TM4SF20: variants seen among roughly 807,000 people sequenced by gnomAD.
The protein encoded by TM4SF20 is transmembrane 4 L six family member 20.
In TM4SF20, 13 loss-of-function variants were observed where a neutral mutation model predicts 15.1. The ratio of observed to expected loss-of-function variants is 0.86; its 90% CI spans 0.56 to 1.36. TM4SF20 has a LOEUF of 1.36. Ranked by LOEUF, TM4SF20 falls within the 40% of genes most tolerant of loss-of-function variation. The pLI is 0.00. For synonymous variants in TM4SF20, 92 were observed against 96.6 expected (o/e 0.95, Z 0.28); for missense variants, 282 against 268.4 (o/e 1.05, Z -0.35).
upstream of TM4SF20, among the ~76,000 whole-genome samples, chr2:227,380,523 G>A (rs1394252059): frequency 1.3e-5 from 2 of 151,522 alleles, no homozygotes; most frequent in Non-Finnish European, 3.0e-5. Flanking sequence ...GGATCTATAT[G>A]TTTCTGCCCA....
intron 2 of TM4SF20, 81 bp downstream of exon 2, chr2:227,370,834 C>G: frequency 8.9e-7 from 1 of 1,124,202 alleles, no homozygotes; most frequent in South Asian, 1.2e-5. Context: ...TCGGTAGATG[C>G]GAGTGACTCA....
intron 1 of TM4SF20, among the ~76,000 whole-genome samples, chr2:227,372,807 T>G (rs988315503): frequency 3.3e-5 from 5 of 152,094 alleles, no homozygotes; most frequent in Non-Finnish European, 7.4e-5. Flanking sequence ...AGGGCTCAAG[T>G]GATCCTCCCA....
Position 227,379,126 on chromosome 2 carries a change from A to C in TM4SF20, c.143T>G (p.Phe48Cys), listed in dbSNP as rs932679243. The stretch of plus-strand genomic sequence containing the variant: ...TATAATTCCTGGGAACCACCACTCA[A>C]AGCAAGAGATGGGGTTTTGAGAAAA... ...DQFSQNPISC[F>C]EWWFPGIIGA... The change falls in exon 1 of 4, where the codon TTT becomes TGT. Residue 48 changes from phenylalanine (F) to cysteine (C), a missense_variant. Physicochemically the swap from Phe to Cys is radical, Grantham distance 205. Coordinates refer to ENST00000304568, the MANE Select transcript of TM4SF20 (RefSeq NM_024795.4). 1.9e-6 allele frequency: 3 copies of C among 1,614,188 alleles called. No individual in the cohort carries two copies. The highest frequency in any genetic ancestry group is 2.5e-6 in the Non-Finnish European group (3 of 1,180,026).
chr2:227,367,053 C>A (rs1366210230), intron 2 of TM4SF20, among the ~76,000 whole-genome samples: 2 of 152,130 alleles, frequency 1.3e-5, no homozygotes, highest in Non-Finnish European at 1.5e-5. Context: ...ACCTCAGCAC[C>A]AATGACATTT....
chr2:227,371,070 G>A, intron 1 of TM4SF20, 90 bp from the exon 2 acceptor site: 1 of 1,151,282 alleles, frequency 8.7e-7, no homozygotes, highest in South Asian at 1.2e-5. Context: ...ACCACCAGTT[G>A]TGGGAAATCA....
At chr2:227,381,637 G>A (rs1172833218), upstream of TM4SF20, 1 of 152,086 alleles carries the variant, frequency 6.6e-6, no homozygotes, top group East Asian at 1.9e-4. Flanking sequence ...GTCTTCATAA[G>A]ATGTTGAATT....
At chr2:227,372,766 A>G (rs956828822) in intron 1 of TM4SF20, among the ~76,000 whole-genome samples, 1 of 152,164 alleles carries the variant, frequency 6.6e-6, no homozygotes, top group Non-Finnish European at 1.5e-5. Context: ...GTGCGGTGGC[A>G]TGATCACGGT....
chr2:227,375,875 G>T (rs1298793798), intron 1 of TM4SF20, among the ~76,000 whole-genome samples: 3 of 152,136 alleles, frequency 2.0e-5, no homozygotes, highest in Non-Finnish European at 4.4e-5. Context: ...CAATGAATAA[G>T]CATGATTAAG....
At chr2:227,366,716 CAAAAAAAAAAAAAAAAAAAAAAAAAAAAA>C (rs59401554) in intron 2 of TM4SF20, among the ~76,000 whole-genome samples, 13 of 68,216 alleles carry the variant, frequency 1.9e-4, no homozygotes, top group East Asian at 5.8e-4. Context: ...AAGACTCTGT[CAAAAAAAAAAAAAAAAAAAAAAAAAAAAA>C]AAAAAAAAAA....
In TM4SF20 at chr2:227,370,915, T is replaced by C. The variant is rs536924269; in HGVS notation, c.249A>G (p.Gly83=). 6.2e-7 allele frequency: 1 copy of C among 1,613,814 alleles called. No homozygotes were observed. Among genetic ancestry groups the C allele is most frequent in the Admixed American group, 1.7e-5 (1 of 60,016 alleles). ...RKRACCNNRT[G]MFLSSLFSVI... ...TCCACGCCGACTGCTTCATACTTAC[T>C]CCAGTTCTGTTGTTGCAGCACGCTC... The change falls in exon 2 of 4, where the codon GGA becomes GGG. Residue 83 remains glycine, a splice_region_variant and synonymous_variant. Coordinates refer to ENST00000304568, the MANE Select transcript of TM4SF20 (RefSeq NM_024795.4).
At chr2:227,372,633 C>T (rs1162400118) in intron 1 of TM4SF20, among the ~76,000 whole-genome samples, 2 of 151,326 alleles carry the variant, frequency 1.3e-5, no homozygotes, top group South Asian at 4.2e-4. Context: ...GAGCGAGACT[C>T]TATCTCAAAA....
In TM4SF20 at chr2:227,362,138, G is replaced by T. The variant is rs1015471467; in HGVS notation, c.*1586C>A. The T allele has an allele frequency of 1.3e-5, 2 of 152,136 alleles. No homozygotes were observed. The highest frequency in any genetic ancestry group is 4.8e-5 in the African/African-American group (2 of 41,444). 9.4% of individuals were successfully genotyped at this position (152,136 alleles called of 1,614,324 possible). A position where few individuals can be genotyped will look rare whatever the true frequency, so the allele number is the denominator to read the frequency against. On this transcript the variant is annotated 3_prime_UTR_variant, in exon 4 of 4. Coordinates refer to ENST00000304568, the MANE Select transcript of TM4SF20 (RefSeq NM_024795.4). The stretch of plus-strand genomic sequence containing the variant: ...AATGAACATAAACAATTGAAATATA[G>T]AAATAACATTCAGAAAATTTTAGAT...
chr2:227,377,357 G>A (rs1263673021), intron 1 of TM4SF20, among the ~76,000 whole-genome samples: 1 of 152,230 alleles, frequency 6.6e-6, no homozygotes, highest in Non-Finnish European at 1.5e-5. Flanking sequence ...ACACACGGAT[G>A]TACAGTTGCT....
chr2:227,376,452 C>T (rs1340428052), intron 1 of TM4SF20, among the ~76,000 whole-genome samples: 1 of 152,196 alleles, frequency 6.6e-6, no homozygotes, highest in Non-Finnish European at 1.5e-5. Flanking sequence ...GCCCTTTTTA[C>T]CACCCACCTG....
At chr2:227,372,073 A>T (rs2076423540) in intron 1 of TM4SF20, among the ~76,000 whole-genome samples, 1 of 152,110 alleles carries the variant, frequency 6.6e-6, no homozygotes, top group Non-Finnish European at 1.5e-5. Context: ...CCGCTTGAGA[A>T]ATTTTAGGCG....
intron 1 of TM4SF20, among the ~76,000 whole-genome samples, chr2:227,373,945 A>T (rs1474313745): frequency 1.3e-5 from 2 of 149,926 alleles, no homozygotes; most frequent in Admixed American, 1.3e-4. Context: ...AAAAAAAAAA[A>T]ATATGTGGAA....
intron 2 of TM4SF20, among the ~76,000 whole-genome samples, chr2:227,369,427 C>T (rs375015950): frequency 2.6e-4 from 32 of 125,266 alleles, no homozygotes; most frequent in South Asian, 7.3e-4. Flanking sequence ...CCCCATCTGT[C>T]TTTTTTTTTT....
In TM4SF20 at chr2:227,362,890, CTGA is replaced by C. The variant is rs2076369458; in HGVS notation, c.*831_*833del. On this transcript the variant is annotated 3_prime_UTR_variant, in exon 4 of 4. Coordinates refer to ENST00000304568, the MANE Select transcript of TM4SF20 (RefSeq NM_024795.4). ...TTCTACATACTCCTCCCAATTATCTCTGACAAAGTTTACATGTGTTTAGCTGAA... is the reference window on the plus strand; with the variant it reads ...TTCTACATACTCCTCCCAATTATCTCCAAAGTTTACATGTGTTTAGCTGAA... The C allele has an allele frequency of 6.6e-6, 1 of 152,184 alleles. No individual in the cohort carries two copies. The highest frequency in any genetic ancestry group is 1.9e-4 in the East Asian group (1 of 5,198). 9.4% of individuals were successfully genotyped at this position (152,184 alleles called of 1,614,324 possible). A position where few individuals can be genotyped will look rare whatever the true frequency, so the allele number is the denominator to read the frequency against.
rs960868390 is a variant in TM4SF20, at chr2:227,363,195, A to C, written c.*529T>G. 2.6e-5 allele frequency: 4 copies of C among 152,382 alleles called. No homozygotes were observed. The highest frequency in any genetic ancestry group is 9.7e-5 in the African/African-American group (4 of 41,418). The allele number at this position is 152,382 out of a possible 1,614,324, so 9.4% of individuals were successfully genotyped here. Reference sequence around the variant, plus strand: ...TTTAGGAGGCTGAGGCAGGCAGATCACTTGAGTCCATGAGTTCGGGACCAG... The same window carrying C: ...TTTAGGAGGCTGAGGCAGGCAGATCCCTTGAGTCCATGAGTTCGGGACCAG... On this transcript the variant is annotated 3_prime_UTR_variant, in exon 4 of 4. Transcript: ENST00000304568.
Sources: allele counts gnomAD v4.1 joint callset (sites outside exome capture counted in the v4.1 genomes callset), GRCh38; gene constraint gnomAD v4.1.1; transcripts MANE v1.5; gene names NCBI Gene and HGNC (gene_info 2026-07-23, HGNC 2026-07-21).